Variants in EML5 observed in about 807,000 individuals in gnomAD.
EML5 encodes the protein EMAP like 5.
In EML5, 120 loss-of-function variants were observed where a neutral mutation model predicts 250.0. That is an observed-to-expected ratio of 0.48 (90% confidence interval 0.41 to 0.56). The LOEUF (loss-of-function observed/expected upper bound fraction) is 0.56. EML5 is among the 20% of genes least tolerant of loss of function. The pLI is 0.00. For missense variants in EML5, 2,006 were observed against 2,437.6 expected (o/e 0.82, Z 3.73); for synonymous variants, 771 against 806.5 (o/e 0.96, Z 0.75).
At chr14:88,724,909 C>G (rs1434620155) in intron 8 of EML5, among the ~76,000 whole-genome samples, 1 of 152,066 alleles carries the variant, frequency 6.6e-6, no homozygotes, top group Non-Finnish European at 1.5e-5. Flanking sequence ...AAATCAGTGC[C>G]CAAATTATAA....
intron 11 of EML5, 152 bp from the exon 12 acceptor site, chr14:88,705,740 T>A: frequency 1.5e-6 from 1 of 685,924 alleles, no homozygotes. Flanking sequence ...GACACAGATG[T>A]CAGTAAACTG....
At chr14:88,631,675 CAGG>C (rs1257966323) in intron 33 of EML5, among the ~76,000 whole-genome samples, 1 of 152,126 alleles carries the variant, frequency 6.6e-6, no homozygotes, top group African/African-American at 2.4e-5. Context: ...GAGGCTGAGG[CAGG>C]AGAATTGCTT....
chr14:88,663,189 G>T, intron 23 of EML5, 70 bp from the exon 24 acceptor site: 1 of 1,054,694 alleles, frequency 9.5e-7, no homozygotes, highest in Non-Finnish European at 1.3e-6. Flanking sequence ...TCAGTATGAT[G>T]TTTAAGTTTT....
At chr14:88,680,245 A>AT (rs1278650387) in intron 21 of EML5, among the ~76,000 whole-genome samples, 6 of 152,032 alleles carry the variant, frequency 3.9e-5, no homozygotes, top group African/African-American at 9.7e-5. Context: ...ATTACATGCA[A>AT]TTTTTTTGGC....
chr14:88,774,177 G>A (rs1294381328), intron 1 of EML5, among the ~76,000 whole-genome samples: 1 of 151,520 alleles, frequency 6.6e-6, no homozygotes, highest in African/African-American at 2.4e-5. Flanking sequence ...CTGATTACTG[G>A]GCTCTACACT....
intron 15 of EML5, 139 bp downstream of exon 15, chr14:88,696,707 AG>A (rs2093087411): frequency 4.5e-6 from 2 of 448,718 alleles, no homozygotes; most frequent in South Asian, 1.6e-4. Flanking sequence ...GTATTTGATA[AG>A]GATAACAGTA....
intron 1 of EML5, among the ~76,000 whole-genome samples, chr14:88,766,584 C>G (rs2094323557): frequency 6.6e-6 from 1 of 152,140 alleles, no homozygotes; most frequent in Non-Finnish European, 1.5e-5. Context: ...ACAATGCATG[C>G]CCAAAACTTC....
chr14:88,673,884 CAAAT>C (rs929302558), intron 21 of EML5, among the ~76,000 whole-genome samples: 2 of 152,126 alleles, frequency 1.3e-5, no homozygotes, highest in Non-Finnish European at 2.9e-5. Flanking sequence ...AGGACAGAAA[CAAAT>C]GAAATAATTC....
At chr14:88,752,641 TG>T (rs923338103) in intron 2 of EML5, among the ~76,000 whole-genome samples, 38 of 152,252 alleles carry the variant, frequency 2.5e-4, no homozygotes, top group Admixed American at 7.8e-4. Flanking sequence ...TAGAAGAAGG[TG>T]GGGTCCCTGG....
At chr14:88,782,065 A>C (rs2094502741) in intron 1 of EML5, among the ~76,000 whole-genome samples, 1 of 152,228 alleles carries the variant, frequency 6.6e-6, no homozygotes, top group South Asian at 2.1e-4. Context: ...AGACAGGAAG[A>C]TGTGGGAAAG....
At chr14:88,709,857 C>T (rs1180576358) in intron 10 of EML5, among the ~76,000 whole-genome samples, 3 of 152,126 alleles carry the variant, frequency 2.0e-5, no homozygotes, top group African/African-American at 4.8e-5. Flanking sequence ...TAAAGCTACA[C>T]GCAACAATAT....
chr14:88,777,310 A>T (rs2094456138), intron 1 of EML5, among the ~76,000 whole-genome samples: 1 of 152,178 alleles, frequency 6.6e-6, no homozygotes, highest in Admixed American at 6.5e-5. Flanking sequence ...AAGTAAAAAA[A>T]AATTTACCCT....
intron 1 of EML5, among the ~76,000 whole-genome samples, chr14:88,784,706 A>G (rs1467539869): frequency 1.3e-5 from 2 of 152,236 alleles, no homozygotes; most frequent in Non-Finnish European, 2.9e-5. Context: ...ACTTATATCC[A>G]AAAGACAGGC....
chr14:88,648,799 G>C (rs148668807), intron 28 of EML5, among the ~76,000 whole-genome samples: 1 of 151,988 alleles, frequency 6.6e-6, no homozygotes, highest in Non-Finnish European at 1.5e-5. Context: ...GGCTAGATCC[G>C]GGTGCTTTAT....
intron 28 of EML5, among the ~76,000 whole-genome samples, chr14:88,648,269 T>C (rs902888583): frequency 1.3e-5 from 2 of 152,170 alleles, no homozygotes; most frequent in African/African-American, 2.4e-5. Flanking sequence ...GACAGGTCTC[T>C]TCTACATAAA....
chr14:88,719,682 T>C (rs2093559729), intron 8 of EML5, among the ~76,000 whole-genome samples: 1 of 152,262 alleles, frequency 6.6e-6, no homozygotes, highest in Middle Eastern at 3.4e-3. Flanking sequence ...GCTTTTTTTT[T>C]TTTAAACAGA....
intron 28 of EML5, among the ~76,000 whole-genome samples, chr14:88,649,098 C>T (rs529006749): frequency 6.6e-6 from 1 of 152,098 alleles, no homozygotes; most frequent in Non-Finnish European, 1.5e-5. Context: ...GATGCCATCA[C>T]AGCTCACTGC....
At chr14:88,692,976 G>A (rs970897393) in intron 17 of EML5, among the ~76,000 whole-genome samples, 5 of 152,008 alleles carry the variant, frequency 3.3e-5, no homozygotes, top group Non-Finnish European at 1.5e-5. Flanking sequence ...TTGAGATTTT[G>A]ATGTCACATT....
At chr14:88,661,255 AT>A (rs1046873296) in intron 25 of EML5, among the ~76,000 whole-genome samples, 3 of 151,956 alleles carry the variant, frequency 2.0e-5, no homozygotes, top group African/African-American at 4.8e-5. Context: ...TGCCTGGCTA[AT>A]TTTTTTCTCT....
Sources: gnomAD v4.1 joint callset for allele counts (sites outside exome capture counted in the v4.1 genomes callset) on GRCh38, gnomAD v4.1.1 for gene constraint, MANE v1.5 for transcripts, NCBI Gene and HGNC (gene_info 2026-07-23, HGNC 2026-07-21) for gene names.